ZNF280C: variants seen among roughly 807,000 people sequenced by gnomAD.
ZNF280C encodes the protein suppressor of hairy wing homolog 3.
A neutral mutation model predicts 53.6 loss-of-function variants in ZNF280C; 14 were observed. The observed-to-expected ratio is 0.26, with a 90% confidence interval of 0.17 to 0.41. The LOEUF is 0.41. ZNF280C is among the 10% of genes least tolerant of loss of function. The pLI, the probability that ZNF280C is intolerant of heterozygous loss-of-function variation, is 1.00. For synonymous variants in ZNF280C, 203 were observed against 181.1 expected (o/e 1.12, Z -0.97); for missense variants, 416 against 547.1 (o/e 0.76, Z 2.39).
rs752228018 is a variant in ZNF280C, at chrX:130,220,439, A to G, written c.1437T>C (p.Phe479=). 4.2e-6 allele frequency: 5 copies of G among 1,203,416 alleles called. No homozygotes were observed. In the South Asian group the frequency reaches 7.3e-5, roughly 18 times the overall value. ...VHRCPKCRLQ[F]LTSKEKAEHK... ...GTTCAGCTTTCTCCTTGCTGGTCAAAAATTGTAGTCTGCATTTTGGGCAAC... is the reference window on the plus strand; with the variant it reads ...GTTCAGCTTTCTCCTTGCTGGTCAAGAATTGTAGTCTGCATTTTGGGCAAC... Residue 479 remains phenylalanine (F), a synonymous_variant, in exon 13 of 19, where the codon TTT becomes TTC. Transcript: ENST00000370978.
At chrX:130,217,086 C>T (rs773124437) in intron 13 of ZNF280C, among the ~76,000 whole-genome samples, 59 of 112,263 alleles carry the variant, frequency 5.3e-4, no homozygotes, top group South Asian at 4.7e-3. Flanking sequence ...CCATTTGACT[C>T]AGCCATTCTA....
At chrX:130,222,663 A>G (rs1569433682) in intron 12 of ZNF280C, among the ~76,000 whole-genome samples, 1 of 111,691 alleles carries the variant, frequency 9.0e-6, no homozygotes, top group Non-Finnish European at 1.9e-5. Flanking sequence ...ATCACAGATG[A>G]TACTTTTTTT....
rs368768806 is a variant in ZNF280C, at chrX:130,226,825, T to C, written c.1329A>G (p.Leu443=). 3 of 1,208,612 alleles carry C rather than the reference T, an allele frequency of 2.5e-6. No individual in the cohort carries two copies. Among genetic ancestry groups the C allele is most frequent in the Non-Finnish European group, 3.4e-6 (3 of 894,257 alleles). Residue 443 remains leucine (L), a synonymous_variant, in exon 12 of 19, where the codon CTA becomes CTG. Transcript: ENST00000370978. ...TACTAACTTTGAGGCAAAATGGACATAGCAAGTTCTTAGTGTTTTCATGGG... is the reference window on the plus strand; with the variant it reads ...TACTAACTTTGAGGCAAAATGGACACAGCAAGTTCTTAGTGTTTTCATGGG... ...RAAHENTKNL[L]CPFCLKVSKM...
Position 130,222,800 on chromosome X carries a change from G to A in ZNF280C, c.1396-2320C>T, listed in dbSNP as rs781511336. Reference sequence around the variant, plus strand: ...CTGCCTCAGCCTCCCAACTAGCTGGGATTACAGGCACCTGCCACCACACCT... The same window carrying A: ...CTGCCTCAGCCTCCCAACTAGCTGGAATTACAGGCACCTGCCACCACACCT... On this transcript the variant is annotated intron_variant, in intron 12 of 18. Transcript: ENST00000370978. Among the ~76,000 whole-genome samples the A allele has an allele frequency of 5.0e-3, 558 of 111,413 alleles. 4 individuals are homozygous for A. The highest frequency in any genetic ancestry group is 8.7e-3 in the Non-Finnish European group (463 of 52,994).
chrX:130,233,872 AC>A (rs960425657), intron 8 of ZNF280C, among the ~76,000 whole-genome samples: 1 of 110,610 alleles, frequency 9.0e-6, no homozygotes, highest in African/African-American at 3.3e-5. Context: ...AAGACTACAT[AC>A]TAAATAAATA....
chrX:130,262,595 G>A (rs1460585495), intron 1 of ZNF280C, among the ~76,000 whole-genome samples: 1 of 111,841 alleles, frequency 8.9e-6, no homozygotes, highest in Non-Finnish European at 1.9e-5. Context: ...AAGATATGCA[G>A]TGGGCATCTT....
At chrX:130,219,433 G>A (rs1440852431) in intron 13 of ZNF280C, among the ~76,000 whole-genome samples, 1 of 90,272 alleles carries the variant, frequency 1.1e-5, no homozygotes, top group Non-Finnish European at 2.1e-5. Flanking sequence ...GCTGCAGTAA[G>A]CTGAGATCGC....
At chrX:130,231,258 T>C (rs905126431) in intron 8 of ZNF280C, among the ~76,000 whole-genome samples, 1 of 111,497 alleles carries the variant, frequency 9.0e-6, no homozygotes, top group Non-Finnish European at 1.9e-5. Context: ...ACACCTACAC[T>C]TGTATGTTCA....
intron 13 of ZNF280C, among the ~76,000 whole-genome samples, chrX:130,217,073 T>C (rs1288601175): frequency 1.8e-5 from 2 of 111,385 alleles, no homozygotes; most frequent in African/African-American, 6.5e-5. Context: ...AAGGTAAGAG[T>C]TACCATTTGA....
At chrX:130,251,282 C>CAAAAAAAAAA (rs61571389) in intron 2 of ZNF280C, among the ~76,000 whole-genome samples, 1,236 of 15,326 alleles carry the variant, frequency 0.081, 255 homozygotes, top group Non-Finnish European at 0.092. Context: ...GGACCTGTCT[C>CAAAAAAAAAA]AAAAAAAAAA....
chrX:130,239,546 T>C (rs2032367072), intron 6 of ZNF280C, 36 bp downstream of exon 6: 13 of 876,735 alleles, frequency 1.5e-5, no homozygotes, highest in Non-Finnish European at 2.1e-5. Flanking sequence ...GACAAGTCTC[T>C]TTTTATAATT....
chrX:130,207,978 C>T (rs753230426), intron 16 of ZNF280C, among the ~76,000 whole-genome samples: 32 of 111,577 alleles, frequency 2.9e-4, no homozygotes, highest in African/African-American at 1.0e-3. Context: ...TGGTACAAGC[C>T]TTCTTCATCA....
chrX:130,236,192 T>G (rs750493201), intron 8 of ZNF280C, 22 bp downstream of exon 8: 20 of 1,080,779 alleles, frequency 1.9e-5, no homozygotes, highest in Non-Finnish European at 2.0e-5. Flanking sequence ...TTTTAACAAT[T>G]GAACTTTGAA....
At chrX:130,241,823 A>T in intron 5 of ZNF280C, among the ~76,000 whole-genome samples, 1 of 111,528 alleles carries the variant, frequency 9.0e-6, no homozygotes, top group African/African-American at 3.3e-5. Flanking sequence ...CATGTTTAAA[A>T]TTCTGGGTTA....
chrX:130,246,399 T>C (rs1016846261), intron 3 of ZNF280C, among the ~76,000 whole-genome samples: 7 of 112,493 alleles, frequency 6.2e-5, no homozygotes, highest in Non-Finnish European at 1.3e-4. Flanking sequence ...GATACTTTGA[T>C]GAGGCAGTTG....
At chrX:130,221,872 T>G (rs1394743192) in intron 12 of ZNF280C, among the ~76,000 whole-genome samples, 1 of 111,225 alleles carries the variant, frequency 9.0e-6, no homozygotes, top group Non-Finnish European at 1.9e-5. Context: ...TTCACATGGT[T>G]AAACCCTCCA....
At chrX:130,214,908 C>T (rs1263626634) in intron 15 of ZNF280C, among the ~76,000 whole-genome samples, 5 of 111,529 alleles carry the variant, frequency 4.5e-5, no homozygotes, top group Non-Finnish European at 9.4e-5. Flanking sequence ...AAAATAACCA[C>T]TTTTTGAAAG....
intron 1 of ZNF280C, among the ~76,000 whole-genome samples, chrX:130,261,427 ATT>A (rs2032629815): frequency 8.9e-6 from 1 of 112,530 alleles, no homozygotes; most frequent in Non-Finnish European, 1.9e-5. Flanking sequence ...CAGTCTCCAC[ATT>A]TGTCTTTATC....
chrX:130,242,000 C>G (rs868085550), intron 5 of ZNF280C, among the ~76,000 whole-genome samples: 4 of 61,112 alleles, frequency 6.5e-5, no homozygotes, highest in Admixed American at 2.0e-4. Context: ...TTTGGGAAGC[C>G]GGGGGGGGGC....
Sources: gnomAD v4.1 joint callset for allele counts (sites outside exome capture counted in the v4.1 genomes callset) on GRCh38, gnomAD v4.1.1 for gene constraint, MANE v1.5 for transcripts, NCBI Gene and HGNC (gene_info 2026-07-23, HGNC 2026-07-21) for gene names.